Variants in FAF1 observed in about 807,000 individuals in gnomAD.
FAF1 encodes the protein FAS-associated factor 1.
Under a neutral mutation model 92.5 loss-of-function variants are expected in FAF1, and 25 were observed. The observed-to-expected ratio is 0.27, with a 90% CI of 0.20 to 0.38. The LOEUF (loss-of-function observed/expected upper bound fraction) is 0.38. Among genes scored for constraint, FAF1 ranks in the 10% least tolerant of loss-of-function variants. FAF1 has a pLI of 1.00. For synonymous variants in FAF1, 234 were observed against 273.2 expected (o/e 0.86, Z 1.42); for missense variants, 636 against 793.3 (o/e 0.80, Z 2.38).
intron 15 of FAF1, among the ~76,000 whole-genome samples, chr1:50,510,571 A>G (rs527762471): frequency 2.0e-5 from 3 of 152,174 alleles, no homozygotes; most frequent in South Asian, 2.1e-4. Context: ...GTCAGTCCCT[A>G]TGTGTCAGGG....
At chr1:50,692,241 C>CTG (rs59187392) in intron 7 of FAF1, among the ~76,000 whole-genome samples, 11,307 of 128,900 alleles carry the variant, frequency 0.088, 521 homozygotes, top group East Asian at 0.16. Flanking sequence ...GAAGTATTTA[C>CTG]TGTGTGTGTG....
intron 15 of FAF1, among the ~76,000 whole-genome samples, chr1:50,513,244 C>T (rs1379655289): frequency 1.3e-5 from 2 of 152,144 alleles, no homozygotes; most frequent in Non-Finnish European, 2.9e-5. Flanking sequence ...CTTTGGGAGG[C>T]CAAGGCGGGC....
At chr1:50,817,477 G>T (rs1643990016) in intron 2 of FAF1, among the ~76,000 whole-genome samples, 1 of 152,146 alleles carries the variant, frequency 6.6e-6, no homozygotes, top group South Asian at 2.1e-4. Flanking sequence ...GTTGCCAGAG[G>T]CTGGCTATAC....
intron 1 of FAF1, among the ~76,000 whole-genome samples, chr1:50,882,985 C>CA (rs536859878): frequency 0.096 from 6,414 of 67,006 alleles, 331 homozygotes; most frequent in African/African-American, 0.23. Flanking sequence ...CTCTTGTCTC[C>CA]AAAAAAAAAA....
At chr1:50,728,150 TAAAGCA>T (rs1430561378) in intron 6 of FAF1, among the ~76,000 whole-genome samples, 1 of 152,006 alleles carries the variant, frequency 6.6e-6, no homozygotes, top group Non-Finnish European at 1.5e-5. Flanking sequence ...ACGGTAGGGA[TAAAGCA>T]AGATAGAGAG....
intron 1 of FAF1, among the ~76,000 whole-genome samples, chr1:50,946,552 G>A (rs904695080): frequency 2.6e-5 from 4 of 152,126 alleles, no homozygotes; most frequent in East Asian, 1.9e-4. Context: ...AGAATGTCAC[G>A]TGTCTGTCAA....
intron 13 of FAF1, among the ~76,000 whole-genome samples, chr1:50,542,745 A>T (rs1034559609): frequency 6.6e-6 from 1 of 152,234 alleles, no homozygotes; most frequent in African/African-American, 2.4e-5. Flanking sequence ...ACAATTTCTG[A>T]ATAAATTGAA....
chr1:50,633,577 G>A (rs537759612), intron 8 of FAF1, among the ~76,000 whole-genome samples: 4 of 152,106 alleles, frequency 2.6e-5, no homozygotes, highest in Non-Finnish European at 5.9e-5. Context: ...ATCACAAAAG[G>A]GCTCTGTCTT....
chr1:50,485,655 G>A (rs549057468), intron 17 of FAF1, among the ~76,000 whole-genome samples: 1 of 113,012 alleles, frequency 8.8e-6, no homozygotes, highest in Admixed American at 1.1e-4. Flanking sequence ...GGGCAACAGA[G>A]CGAGACTGTC....
intron 13 of FAF1, among the ~76,000 whole-genome samples, chr1:50,546,294 A>AAAGG (rs1190825986): frequency 4.6e-5 from 7 of 152,202 alleles, no homozygotes; most frequent in Non-Finnish European, 1.0e-4. Flanking sequence ...GTTAGTGATA[A>AAAGG]AAGGAAGGTA....
chr1:50,852,534 T>C (rs1453901659), intron 2 of FAF1, among the ~76,000 whole-genome samples: 2 of 152,140 alleles, frequency 1.3e-5, no homozygotes, highest in African/African-American at 4.8e-5. Flanking sequence ...CAATATGATA[T>C]TATTTATAAG....
intron 1 of FAF1, among the ~76,000 whole-genome samples, chr1:50,903,594 C>T (rs1285646970): frequency 6.6e-6 from 1 of 151,696 alleles, no homozygotes. Flanking sequence ...CATTTGGGCA[C>T]CTAATAAAAA....
chr1:50,865,878 T>C (rs2124675185), intron 1 of FAF1, among the ~76,000 whole-genome samples: 1 of 147,050 alleles, frequency 6.8e-6, no homozygotes, highest in East Asian at 2.0e-4. Context: ...TGAACAAAAT[T>C]CACAGACCAT....
At chr1:50,795,501 G>T (rs1385050902) in intron 3 of FAF1, among the ~76,000 whole-genome samples, 1 of 152,172 alleles carries the variant, frequency 6.6e-6, no homozygotes, top group Non-Finnish European at 1.5e-5. Flanking sequence ...ACAACAGAAT[G>T]ACTTACTAAA....
At chr1:50,755,330 A>C (rs756058264) in intron 4 of FAF1, among the ~76,000 whole-genome samples, 2 of 152,206 alleles carry the variant, frequency 1.3e-5, no homozygotes, top group African/African-American at 2.4e-5. Context: ...CCAGCAGGGC[A>C]GTCAAATCTT....
intron 1 of FAF1, among the ~76,000 whole-genome samples, chr1:50,905,772 A>G (rs1409324885): frequency 1.3e-5 from 2 of 152,070 alleles, no homozygotes. Context: ...TAGATTCTGG[A>G]TATTAGCCCT....
intron 4 of FAF1, among the ~76,000 whole-genome samples, chr1:50,782,602 A>G (rs1661218090): frequency 6.6e-6 from 1 of 152,104 alleles, no homozygotes; most frequent in Admixed American, 6.6e-5. Flanking sequence ...GCTGGTCTCA[A>G]ATTCCTGAGC....
chr1:50,456,770 ACACTGAAATTCAGAACAGTAAAGGGC>A (rs1257655603), intron 18 of FAF1, among the ~76,000 whole-genome samples: 3 of 152,214 alleles, frequency 2.0e-5, no homozygotes, highest in African/African-American at 7.2e-5. Context: ...AGAATTTAGA[ACACTGAAATTCAGAACAGTAAAGGGC>A]CACAAGAGGG....
chr1:50,595,988 A>G (rs761928365), intron 9 of FAF1, 133 bp downstream of exon 9: 2 of 631,122 alleles, frequency 3.2e-6, no homozygotes, highest in Non-Finnish European at 5.6e-6. Context: ...TGCCTTCAAG[A>G]ATTTACCGAG....
Sources: gnomAD v4.1 joint callset for allele counts (sites outside exome capture counted in the v4.1 genomes callset) on GRCh38, gnomAD v4.1.1 for gene constraint, MANE v1.5 for transcripts, NCBI Gene and HGNC (gene_info 2026-07-23, HGNC 2026-07-21) for gene names.